The following GBP4 variants were observed in gnomAD, a reference collection of about 807,000 sequenced individuals.
The protein encoded by GBP4 is guanylate binding protein 4, also known as guanylate-binding protein 4.
A neutral mutation model predicts 62.2 loss-of-function variants in GBP4; 69 were observed. That is an observed-to-expected ratio of 1.11 (90% confidence interval 0.91 to 1.36). The LOEUF is 1.36. GBP4 is among the 40% of genes most tolerant of loss of function. GBP4 has a pLI of 0.00. For missense variants in GBP4, 697 were observed against 759.3 expected, an observed-to-expected ratio of 0.92 and a Z score of 0.96; for synonymous variants, 278 against 274.6, an observed-to-expected ratio of 1.01 and a Z score of -0.12.
intron 7 of GBP4, 80 bp downstream of exon 7, chr1:89,189,958 T>C (rs1317951684): frequency 1.1e-5 from 15 of 1,385,860 alleles, no homozygotes; most frequent in Non-Finnish European, 1.4e-5. Flanking sequence ...GGTAAGGAGA[T>C]GAACCATGGG....
chr1:89,197,336 ACAAGATCTTGAAGTCATCC>A (rs1434448437), intron 1 of GBP4, 32 bp from the exon 2 acceptor site: 1 of 1,592,788 alleles, frequency 6.3e-7, no homozygotes, highest in Non-Finnish European at 8.6e-7. Flanking sequence ...TCAGTAGAAT[ACAAGATCTTGAAGTCATCC>A]CTAAGGGCTA....
chr1:89,189,653 G>A (rs1648127957), intron 7 of GBP4, among the ~76,000 whole-genome samples: 1 of 152,306 alleles, frequency 6.6e-6, no homozygotes, highest in Admixed American at 6.5e-5. Context: ...AGGATTTCAT[G>A]CATCATTGCT....
chr1:89,197,279 C>G lies in GBP4; in HGVS notation c.66G>C (p.Met22Ile), dbSNP rs2100680675. 1 of 1,613,962 alleles carries G rather than the reference C, an allele frequency of 6.2e-7. No homozygotes were observed. The change falls in exon 2 of 11, where the codon ATG becomes ATC. Residue 22 changes from methionine (M) to isoleucine (I), a missense_variant. Physicochemically the swap from Met to Ile is conservative, Grantham distance 10. Transcript: ENST00000355754. ...TTTCCACTAGACAAATGGGGGCCAT[C>G]ATGATGGATTCAGATTCTGGATAAC... is the stretch of plus-strand genomic sequence containing the variant. ...TPGYPESESIMMAPICLVENQ... is the reference protein window; with the variant it reads ...TPGYPESESIIMAPICLVENQ...
At chr1:89,191,164 C>T (rs1648170902) in intron 6 of GBP4, 97 bp downstream of exon 6, 5 of 1,388,506 alleles carry the variant, frequency 3.6e-6, no homozygotes, top group Non-Finnish European at 5.0e-6. Flanking sequence ...CATTCCTATA[C>T]AGAAGCAAAC....
intron 1 of GBP4, among the ~76,000 whole-genome samples, chr1:89,197,840 C>T (rs942870383): frequency 6.6e-6 from 1 of 152,058 alleles, no homozygotes; most frequent in African/African-American, 2.4e-5. Flanking sequence ...TTGATACAAA[C>T]TTCTGCCTCT....
In GBP4 at chr1:89,188,693, T is replaced by A. The variant is rs768932516; in HGVS notation, c.1299A>T (p.Thr433=). ...AGAAAATTCCTCTCAAAATGCTTTC[T>A]GTCAGGTGCTCTGAAAGCCGCTTAA... ...AELKRLSEHL[T]ESILRGIFSV... is the part of the protein sequence containing the mutation. The change falls in exon 8 of 11, where the codon ACA becomes ACT. Residue 433 remains threonine (T), a synonymous_variant. Coordinates refer to ENST00000355754, the MANE Select transcript of GBP4 (RefSeq NM_052941.5). 1 of 1,614,234 alleles carries A rather than the reference T, an allele frequency of 6.2e-7. No homozygotes were observed. Among genetic ancestry groups the A allele is most frequent in the Non-Finnish European group, 8.5e-7 (1 of 1,180,026 alleles).
In GBP4 at chr1:89,191,341, T is replaced by G; in HGVS notation, c.836A>C (p.Gln279Pro). ...EENLERHFLMQSDNFCSYIFT... is the reference protein window; with the variant it reads ...EENLERHFLMPSDNFCSYIFT... ...GATATAAGAACAGAAGTTGTCTGAT[T>G]GCATAAGGAAATGCCTTTCCAGATT... is the stretch of plus-strand genomic sequence containing the variant. The change falls in exon 6 of 11, where the codon CAA (glutamine) becomes CCA (proline). Residue 279 changes from glutamine (Q) to proline (P), a missense_variant. By Grantham distance (76) the Gln-to-Pro change is moderately conservative. Around this residue, in one of 2 missense-constraint regions of GBP4, gnomAD observed 556 missense variants for 562.7 expected, o/e 0.99. Coordinates refer to ENST00000355754, the MANE Select transcript of GBP4 (RefSeq NM_052941.5). 3 of 1,614,218 alleles carry G rather than the reference T, an allele frequency of 1.9e-6. No homozygotes were observed. The highest frequency in any genetic ancestry group is 2.5e-6 in the Non-Finnish European group (3 of 1,180,020).
chr1:89,189,170 G>A (rs959666875), intron 7 of GBP4, among the ~76,000 whole-genome samples: 5 of 152,246 alleles, frequency 3.3e-5, no homozygotes, highest in Admixed American at 2.6e-4. Context: ...TATACATATG[G>A]CAAATCAACT....
At chr1:89,187,159 T>C (rs1175863156) in intron 8 of GBP4, 57 bp from the exon 9 acceptor site, 22 of 1,371,764 alleles carry the variant, frequency 1.6e-5, no homozygotes, top group Non-Finnish European at 2.3e-5. Context: ...CATCTTATGA[T>C]GGCGAAATTA....
chr1:89,192,840 T>C, intron 5 of GBP4, 64 bp downstream of exon 5: 5 of 1,466,392 alleles, frequency 3.4e-6, no homozygotes, highest in South Asian at 1.2e-5. Context: ...AGGTGCTGAA[T>C]AGCAGGTCTT....
chr1:89,195,334 A>G lies in GBP4; in HGVS notation c.326T>C (p.Val109Ala), dbSNP rs770873671. The G allele has an allele frequency of 2.5e-6, 4 of 1,614,010 alleles. No homozygotes were observed. Among genetic ancestry groups the G allele is most frequent in the Non-Finnish European group, 3.4e-6 (4 of 1,179,938 alleles). Residue 109 changes from valine (V) to alanine (A), a missense_variant, in exon 3 of 11, where the codon GTC (valine) becomes GCC (alanine). By Grantham distance (64) the Val-to-Ala change is moderately conservative. This residue lies in a region of GBP4 where 556 missense variants were observed against 562.7 expected (regional missense o/e 0.99). Transcript: ENST00000355754. ...PHLSKPNHTL[V>A]LLDTEGLGDV... ...GCCCAGGCCCTCGGTGTCCAGAAGG[A>G]CCAGGGTGTGGTTTGGCTTAGAGAG...
intron 2 of GBP4, 37 bp from the exon 3 acceptor site, chr1:89,195,461 G>T (rs777332203): frequency 6.2e-7 from 1 of 1,608,954 alleles, no homozygotes; most frequent in South Asian, 1.1e-5. Context: ...CAGTAACAGT[G>T]GATAGACCAG....
At chr1:89,197,385 A>T in intron 1 of GBP4, 81 bp from the exon 2 acceptor site, 1 of 1,119,544 alleles carries the variant, frequency 8.9e-7, no homozygotes, top group Non-Finnish European at 1.2e-6. Flanking sequence ...CATACATATT[A>T]GCTTTTTGCT....
chr1:89,197,076 A>G (rs1557477202), intron 2 of GBP4, 34 bp downstream of exon 2: 3 of 1,568,342 alleles, frequency 1.9e-6, no homozygotes, highest in Non-Finnish European at 2.6e-6. Context: ...CACTGGTTCC[A>G]AGTAAATGGC....
At chr1:89,193,928 A>G (rs563058661) in intron 3 of GBP4, among the ~76,000 whole-genome samples, 14 of 152,320 alleles carry the variant, frequency 9.2e-5, no homozygotes, top group Middle Eastern at 3.4e-3. Flanking sequence ...GGGGAGGAAA[A>G]CCCAAAGTTA....
At chr1:89,193,187 G>T in intron 4 of GBP4, 87 bp from the exon 5 acceptor site, 1 of 1,527,616 alleles carries the variant, frequency 6.5e-7, no homozygotes, top group Non-Finnish European at 9.0e-7. Flanking sequence ...GTTCCCTTTT[G>T]CACTCTGTCT....
intron 1 of GBP4, 95 bp downstream of exon 1, chr1:89,198,700 C>T: frequency 8.1e-6 from 9 of 1,105,936 alleles, no homozygotes; most frequent in Non-Finnish European, 1.3e-5. Flanking sequence ...TGTGAAGTCT[C>T]CAACCCTCCC....
chr1:89,182,278 A>G lies in GBP4; in HGVS notation c.*2976T>C, dbSNP rs1647902231. On this transcript the variant is annotated 3_prime_UTR_variant, in exon 11 of 11. Transcript: ENST00000355754. ...TAAAATCCAAGCTCCTTGAATGCAC[A>G]ATTTCTGTCCCTTTTAAGGGCTCAC... 6.6e-6 allele frequency: 1 copy of G among 152,120 alleles called. No individual in the cohort carries two copies. Among genetic ancestry groups the G allele is most frequent in the South Asian group, 2.1e-4 (1 of 4,826 alleles). 9.4% of individuals were successfully genotyped at this position (152,120 alleles called of 1,614,324 possible).
Position 89,190,209 on chromosome 1 carries a change from C to T in GBP4, c.1026G>A (p.Val342=), listed in dbSNP as rs1648143787. 8 of 1,614,178 alleles carry T rather than the reference C, an allele frequency of 5.0e-6. No homozygotes were observed. The East Asian group carries it at 1.8e-4, about 36-fold the overall frequency. The change falls in exon 7 of 11, where the codon GTG becomes GTA. Residue 342 remains valine (V), a synonymous_variant. Coordinates refer to ENST00000355754, the MANE Select transcript of GBP4 (RefSeq NM_052941.5). ...ALAQLENPAA[V]QRAADHYSQQ... is the part of the protein sequence containing the mutation. ...GGCTATAGTGGTCGGCTGCCCTCTG[C>T]ACAGCCGCTGGGTTCTCAAGCTGGG...
Sources: gnomAD v4.1 joint callset for allele counts (sites outside exome capture counted in the v4.1 genomes callset) on GRCh38, gnomAD v4.1.1 for gene constraint, gnomAD v4.1.1 regional missense constraint, MANE v1.5 for transcripts, NCBI Gene and HGNC (gene_info 2026-07-23, HGNC 2026-07-21) for gene names.